The following SEPTIN9 variants were observed in gnomAD, a reference collection of about 807,000 sequenced individuals.
The protein encoded by SEPTIN9 is septin 9.
A neutral mutation model predicts 56.6 loss-of-function variants in SEPTIN9; 13 were observed. That is an observed-to-expected ratio of 0.23 (90% CI 0.15 to 0.37). The LOEUF (loss-of-function observed/expected upper bound fraction) is 0.37. SEPTIN9 is among the 10% of genes least tolerant of loss of function. SEPTIN9 has a pLI of 1.00. For synonymous variants in SEPTIN9, 332 were observed against 334.1 expected, an observed-to-expected ratio of 0.99 and a Z score of 0.07; for missense variants, 650 against 823.1, an observed-to-expected ratio of 0.79 and a Z score of 2.57.
chr17:77,341,276 CT>C (rs2033716045), intron 2 of SEPTIN9, among the ~76,000 whole-genome samples: 2 of 152,104 alleles, frequency 1.3e-5, no homozygotes, highest in African/African-American at 4.8e-5. Context: ...CACTTGAACA[CT>C]TAGAGGCCAT....
In SEPTIN9 at chr17:77,434,319, T is replaced by G. The variant is rs2037260522; in HGVS notation, c.721+31616T>G. ...GTTCACCCTGTCCACCCGCAGGGCC[T>G]GCAGGAGCATCCTGAGAGTTGGTAG... On this transcript the variant is annotated intron_variant, in intron 3 of 11. Coordinates refer to ENST00000427177, the MANE Select transcript of SEPTIN9 (RefSeq NM_001113491.2). The surrounding 1 kb of genome is among the most constrained non-coding windows in gnomAD (Gnocchi z 5.0). 6.6e-6 allele frequency among the ~76,000 whole-genome samples: 1 copy of G among 152,194 alleles called. No individual in the cohort carries two copies.
chr17:77,387,784 C>T (rs995888659), intron 2 of SEPTIN9, among the ~76,000 whole-genome samples: 1 of 152,046 alleles, frequency 6.6e-6, no homozygotes, highest in Admixed American at 6.6e-5. Flanking sequence ...AGTGTGTGAA[C>T]GGGGCTGGGA....
intron 3 of SEPTIN9, among the ~76,000 whole-genome samples, chr17:77,461,500 C>T (rs187584113): frequency 3.0e-3 from 453 of 152,146 alleles, no homozygotes; most frequent in Admixed American, 6.3e-3. Context: ...TGGGGACATC[C>T]GAGGGCAAGG....
At chr17:77,440,693 T>C (rs1479570439) in intron 3 of SEPTIN9, among the ~76,000 whole-genome samples, 2 of 152,260 alleles carry the variant, frequency 1.3e-5, no homozygotes, top group Non-Finnish European at 2.9e-5. Context: ...GATCATCCGC[T>C]GGGCGCCCGC....
intron 2 of SEPTIN9, among the ~76,000 whole-genome samples, chr17:77,344,946 T>C (rs1244635684): frequency 2.5e-5 from 3 of 118,392 alleles, no homozygotes; most frequent in African/African-American, 9.9e-5. Flanking sequence ...CACTCCAGCT[T>C]GGGCGACAGA....
rs1035092939 is a variant in SEPTIN9, at chr17:77,389,274, G to A, written c.77-12785G>A. ...GGAAGTAGAGGGGAAGGAGGGGCAC[G>A]CGGTAGGCTGAGGAGGTGGCTGGCG... On this transcript the variant is annotated intron_variant, in intron 2 of 11. Transcript: ENST00000427177. The surrounding 1 kb of genome is among the most constrained non-coding windows in gnomAD (Gnocchi z 4.3). Among the ~76,000 whole-genome samples, 8 of 152,098 alleles carry A rather than the reference G, an allele frequency of 5.3e-5. No individual in the cohort carries two copies. Among genetic ancestry groups the A allele is most frequent in the Non-Finnish European group, 1.0e-4 (7 of 68,012 alleles).
chr17:77,404,976 C>T (rs376398437), intron 3 of SEPTIN9: 2 of 1,049,428 alleles, frequency 1.9e-6, no homozygotes, highest in East Asian at 2.7e-5. Context: ...TGGTGCAGGA[C>T]CTTTGTTTGA....
chr17:77,496,534 C>T (rs2040265852), intron 10 of SEPTIN9, among the ~76,000 whole-genome samples: 1 of 152,186 alleles, frequency 6.6e-6, no homozygotes, highest in Non-Finnish European at 1.5e-5. Context: ...ATGCCAGGCA[C>T]CGCGTGTTCA....
intron 2 of SEPTIN9, among the ~76,000 whole-genome samples, chr17:77,382,917 G>A (rs1188779013): frequency 6.6e-6 from 1 of 152,104 alleles, no homozygotes; most frequent in East Asian, 1.9e-4. Flanking sequence ...CCTACTCCTG[G>A]CCCGGAAACA....
chr17:77,422,624 G>A lies in SEPTIN9; in HGVS notation c.721+19921G>A, dbSNP rs73375353. Among the ~76,000 whole-genome samples, 446 of 152,322 alleles carry A rather than the reference G, an allele frequency of 2.9e-3. 1 individual carries two copies. Among genetic ancestry groups the A allele is most frequent in the African/African-American group, 9.9e-3 (411 of 41,576 alleles). On this transcript the variant is annotated intron_variant, in intron 3 of 11. Transcript: ENST00000427177. ...CCAGGGAGCACTCAGGGCTGGTCCC[G>A]GGGAGCCGGGCTAATGGTCACCTCG... is the stretch of plus-strand genomic sequence containing the variant.
chr17:77,477,399 T>C (rs2039261533), intron 3 of SEPTIN9, among the ~76,000 whole-genome samples: 1 of 152,194 alleles, frequency 6.6e-6, no homozygotes, highest in Non-Finnish European at 1.5e-5. Context: ...CCCTAAAAGA[T>C]GTGACTTTTT....
chr17:77,355,938 C>A (rs1476867733), intron 2 of SEPTIN9, among the ~76,000 whole-genome samples: 1 of 146,784 alleles, frequency 6.8e-6, no homozygotes, highest in African/African-American at 2.5e-5. Flanking sequence ...GCCGAGATCG[C>A]GTCACTGCAC....
Position 77,445,216 on chromosome 17 carries a change from C to T in SEPTIN9, c.722-36928C>T, listed in dbSNP as rs1426724150. 1 of 471,038 alleles carries T rather than the reference C, an allele frequency of 2.1e-6. No individual in the cohort carries two copies. Among genetic ancestry groups the T allele is most frequent in the Non-Finnish European group, 4.4e-6 (1 of 227,042 alleles). The allele number at this position is 471,038 out of a possible 1,614,324, so 29.2% of individuals were successfully genotyped here. On this transcript the variant is annotated intron_variant, in intron 3 of 11. Coordinates refer to ENST00000427177, the MANE Select transcript of SEPTIN9 (RefSeq NM_001113491.2). The surrounding 1 kb of genome is among the most constrained non-coding windows in gnomAD (Gnocchi z 4.7). ...GTCTGTGGGTAGAAATGTGGGCTGC[C>T]TCGGGGCGTCACAGCTACAAATGCA... is the stretch of plus-strand genomic sequence containing the variant.
intron 2 of SEPTIN9, chr17:77,376,297 C>T (rs977616865): frequency 3.4e-5 from 34 of 985,936 alleles, no homozygotes; most frequent in African/African-American, 2.6e-4. Context: ...AGCTGGTCCA[C>T]GGGAAGCATC....
chr17:77,299,511 G>A (rs566903162), intron 1 of SEPTIN9, among the ~76,000 whole-genome samples: 133 of 152,334 alleles, frequency 8.7e-4, no homozygotes, highest in African/African-American at 3.0e-3. Flanking sequence ...CAAGGTTACA[G>A]TGAGCCATGA....
intron 2 of SEPTIN9, among the ~76,000 whole-genome samples, chr17:77,388,946 A>G (rs1222635200): frequency 1.3e-5 from 2 of 150,178 alleles, no homozygotes; most frequent in African/African-American, 2.5e-5. Context: ...CTGTGTGTGC[A>G]GTGACAGGTC....
At chr17:77,304,634 A>G (rs1361440674) in intron 1 of SEPTIN9, among the ~76,000 whole-genome samples, 1 of 152,092 alleles carries the variant, frequency 6.6e-6, no homozygotes. Flanking sequence ...AAGTGACTCC[A>G]TCCTCAGGAA....
At chr17:77,411,407 T>C (rs1287210588) in intron 3 of SEPTIN9, among the ~76,000 whole-genome samples, 1 of 151,834 alleles carries the variant, frequency 6.6e-6, no homozygotes, top group African/African-American at 2.4e-5. Flanking sequence ...CTTTTTTTTT[T>C]TTTTTGACAG....
chr17:77,390,661 C>G (rs1311937948), intron 2 of SEPTIN9, among the ~76,000 whole-genome samples: 2 of 151,946 alleles, frequency 1.3e-5, no homozygotes, highest in African/African-American at 4.8e-5. Flanking sequence ...CTGTGTTAGC[C>G]AGGATGGTCT....
Sources: allele counts gnomAD v4.1 joint callset (sites outside exome capture counted in the v4.1 genomes callset), GRCh38; gene constraint gnomAD v4.1.1; non-coding constraint Gnocchi (gnomAD v3.1); transcripts MANE v1.5; gene names NCBI Gene and HGNC (gene_info 2026-07-23, HGNC 2026-07-21).